The following GUCY2C variants were observed in gnomAD, a reference collection of about 807,000 sequenced individuals.
GUCY2C encodes guanylyl cyclase C.
In GUCY2C, 118 loss-of-function variants were observed where a neutral mutation model predicts 131.1. The observed-to-expected ratio is 0.90, with a 90% CI of 0.78 to 1.05. The LOEUF is 1.05. Ranked by LOEUF, GUCY2C falls within the 50% of genes least tolerant of loss-of-function variation. The probability of loss-of-function intolerance (pLI) is 0.00; values close to 1 mark genes in which losing one functional copy is unlikely to be tolerated. For missense variants in GUCY2C, 1,161 were observed against 1,304.4 expected (o/e 0.89, Z 1.69); for synonymous variants, 452 against 457.8 (o/e 0.99, Z 0.16).
At chr12:14,690,450 A>C (rs1407918121) in intron 1 of GUCY2C, among the ~76,000 whole-genome samples, 2 of 152,248 alleles carry the variant, frequency 1.3e-5, no homozygotes, top group Admixed American at 6.5e-5. Flanking sequence ...TAGCAGAACC[A>C]TTTGACCACA....
chr12:14,627,205 C>G (rs543664338), intron 20 of GUCY2C, among the ~76,000 whole-genome samples: 51 of 152,322 alleles, frequency 3.3e-4, no homozygotes, highest in African/African-American at 1.2e-3. Flanking sequence ...AGTCATTTTA[C>G]TATTACAAGA....
intron 1 of GUCY2C, among the ~76,000 whole-genome samples, chr12:14,695,600 CAAAAA>C (rs557450619): frequency 1.7e-5 from 1 of 58,622 alleles, no homozygotes; most frequent in Admixed American, 1.8e-4. Context: ...GACTCCATCT[CAAAAA>C]AAAAAAAAAA....
At position 14,676,899 on chromosome 12, in the gene GUCY2C, A is replaced by G; in HGVS notation, c.903T>C (p.Pro301=). The change falls in exon 7 of 27, where the codon CCT becomes CCC. Residue 301 remains proline (P), a synonymous_variant. Transcript: ENST00000261170. Reference sequence around the variant, plus strand: ...AAGAGCTATTTAGAAGGGAATTCCCAGGAGACAGCGTCAGAACAAGGACAT... The same window carrying G: ...AAGAGCTATTTAGAAGGGAATTCCCGGGAGACAGCGTCAGAACAAGGACAT... ...MKNVLVLTLS[P]GNSLLNSSFS... is the part of the protein sequence containing the mutation. The G allele has an allele frequency of 6.4e-7, 1 of 1,567,726 alleles. No homozygotes were observed. Among genetic ancestry groups the G allele is most frequent in the Non-Finnish European group, 8.7e-7 (1 of 1,147,800 alleles).
chr12:14,636,450 T>C (rs946334178), intron 19 of GUCY2C, among the ~76,000 whole-genome samples: 1 of 152,018 alleles, frequency 6.6e-6, no homozygotes, highest in Non-Finnish European at 1.5e-5. Flanking sequence ...ATAGAAGGAA[T>C]ATATCTCAAC....
intron 10 of GUCY2C, among the ~76,000 whole-genome samples, chr12:14,664,311 C>T (rs929467412): frequency 1.3e-5 from 2 of 152,050 alleles, no homozygotes; most frequent in South Asian, 2.1e-4. Flanking sequence ...CCCCAGAAAA[C>T]GAAAGTGAGT....
chr12:14,656,482 C>G (rs1410615139), intron 12 of GUCY2C, 30 bp downstream of exon 12: 2 of 1,080,916 alleles, frequency 1.9e-6, no homozygotes, highest in Middle Eastern at 4.0e-4. Flanking sequence ...CAAATTGAAC[C>G]CATTCTTCAA....
At chr12:14,651,267 G>C (rs909159820) in intron 15 of GUCY2C, 140 bp downstream of exon 15, 3 of 497,206 alleles carry the variant, frequency 6.0e-6, no homozygotes, top group Non-Finnish European at 3.6e-6. Context: ...AAAAAATCTC[G>C]GGGATCTAGT....
chr12:14,616,414 C>G (rs908221611), intron 25 of GUCY2C, among the ~76,000 whole-genome samples: 1 of 152,126 alleles, frequency 6.6e-6, no homozygotes, highest in African/African-American at 2.4e-5. Flanking sequence ...AGAGGAAATG[C>G]TGGCAGAGTT....
At chr12:14,695,617 A>G (rs1258183766) in intron 1 of GUCY2C, among the ~76,000 whole-genome samples, 2 of 151,592 alleles carry the variant, frequency 1.3e-5, no homozygotes, top group Non-Finnish European at 2.9e-5. Context: ...AAAAAAAAAA[A>G]AAAGAGTGAA....
At chr12:14,664,847 G>GTCATTCAT (rs72427445) in intron 10 of GUCY2C, among the ~76,000 whole-genome samples, 13 of 151,964 alleles carry the variant, frequency 8.6e-5, no homozygotes, top group South Asian at 6.2e-4. Context: ...ATCTCATGTT[G>GTCATTCAT]TCATTCATTC....
chr12:14,639,685 G>T (rs984637662), intron 19 of GUCY2C, among the ~76,000 whole-genome samples, 177 bp downstream of exon 19: 3 of 152,224 alleles, frequency 2.0e-5, no homozygotes, highest in African/African-American at 7.2e-5. Flanking sequence ...TCTGGAAGAA[G>T]TAAGGAATGG....
chr12:14,680,665 A>T (rs1329637098), intron 5 of GUCY2C, among the ~76,000 whole-genome samples: 1 of 152,124 alleles, frequency 6.6e-6, no homozygotes, highest in Non-Finnish European at 1.5e-5. Context: ...CTTAGTGAGG[A>T]TGACTTCTTT....
At position 14,681,348 on chromosome 12, in the gene GUCY2C, C is replaced by T. The variant is rs772045295; in HGVS notation, c.733+8G>A. 4 of 1,611,874 alleles carry T rather than the reference C, an allele frequency of 2.5e-6. No homozygotes were observed. In the Admixed American group the frequency reaches 5.0e-5, roughly 20 times the overall value. On this transcript the variant is annotated splice_region_variant and intron_variant, in intron 5 of 26. Transcript: ENST00000261170. ...TAGCAAAAAACAATTATCTTCATGT[C>T]TTCTTACCATTGCTTTTCCTGTTGT...
chr12:14,675,213 A>G (rs1463197932), intron 7 of GUCY2C, among the ~76,000 whole-genome samples: 2 of 146,420 alleles, frequency 1.4e-5, no homozygotes, highest in South Asian at 2.2e-4. Flanking sequence ...ATCTCAAAAA[A>G]AAAAAAAAAA....
intron 10 of GUCY2C, among the ~76,000 whole-genome samples, chr12:14,661,438 T>C (rs546790197): frequency 6.6e-6 from 1 of 152,132 alleles, no homozygotes; most frequent in South Asian, 2.1e-4. Flanking sequence ...GGATGAGACA[T>C]GTATTTTTTT....
chr12:14,693,253 C>T (rs11056101), intron 1 of GUCY2C, among the ~76,000 whole-genome samples: 20,774 of 151,962 alleles, frequency 0.14, 1,681 homozygotes, highest in Admixed American at 0.25. Flanking sequence ...GTTGGACCAA[C>T]GTGGACCAAC....
intron 15 of GUCY2C, among the ~76,000 whole-genome samples, chr12:14,650,617 C>A (rs1359147603): frequency 1.3e-5 from 2 of 152,180 alleles, no homozygotes; most frequent in African/African-American, 2.4e-5. Context: ...CCTGGCCAGC[C>A]CCCTGCTCAA....
chr12:14,660,757 C>T (rs1414549912), intron 11 of GUCY2C, among the ~76,000 whole-genome samples: 1 of 152,212 alleles, frequency 6.6e-6, no homozygotes, highest in African/African-American at 2.4e-5. Flanking sequence ...ACTCAAAGAA[C>T]TGGGATTTGA....
chr12:14,641,763 C>G (rs796964393), intron 17 of GUCY2C, among the ~76,000 whole-genome samples: 2 of 152,014 alleles, frequency 1.3e-5, no homozygotes, highest in African/African-American at 2.4e-5. Context: ...ATGGTGAAAC[C>G]CTGTCTCTAC....
Sources: gnomAD v4.1 joint callset for allele counts (sites outside exome capture counted in the v4.1 genomes callset) on GRCh38, gnomAD v4.1.1 for gene constraint, MANE v1.5 for transcripts, NCBI Gene and HGNC (gene_info 2026-07-23, HGNC 2026-07-21) for gene names.